GRM5: variants seen among roughly 807,000 people sequenced by gnomAD.
The protein encoded by GRM5 is metabotropic glutamate receptor 5.
In GRM5, 19 loss-of-function variants were observed where a neutral mutation model predicts 83.1. The observed-to-expected ratio is 0.23, with a 90% CI of 0.16 to 0.34. The LOEUF is 0.34. GRM5 is among the 10% of genes least tolerant of loss of function. The probability of loss-of-function intolerance (pLI) is 1.00; values close to 1 mark genes in which losing one functional copy is unlikely to be tolerated. For synonymous variants in GRM5, 675 were observed against 633.6 expected (o/e 1.07, Z -0.98); for missense variants, 1,160 against 1,588.3 (o/e 0.73, Z 4.58).
At chr11:88,550,360 C>A (rs1410061695) in intron 8 of GRM5, among the ~76,000 whole-genome samples, 1 of 152,062 alleles carries the variant, frequency 6.6e-6, no homozygotes, top group African/African-American at 2.4e-5. Flanking sequence ...TCCACAACAA[C>A]TTTAGAAGTA....
At chr11:88,596,436 T>C (rs1937808025) in intron 6 of GRM5, among the ~76,000 whole-genome samples, 1 of 152,166 alleles carries the variant, frequency 6.6e-6, no homozygotes, top group Non-Finnish European at 1.5e-5. Flanking sequence ...TTAAGTTCAA[T>C]GTATTTAGTA....
chr11:88,822,607 A>C (rs778491378), intron 3 of GRM5, among the ~76,000 whole-genome samples: 11 of 152,178 alleles, frequency 7.2e-5, no homozygotes, highest in Non-Finnish European at 1.2e-4. Flanking sequence ...TCAGCTGATA[A>C]AAGATGTGAA....
intron 3 of GRM5, among the ~76,000 whole-genome samples, chr11:88,802,652 C>G (rs1397769197): frequency 6.6e-6 from 1 of 151,972 alleles, no homozygotes; most frequent in African/African-American, 2.4e-5. Context: ...TCTCACCACT[C>G]CTATTCAACA....
intron 2 of GRM5, among the ~76,000 whole-genome samples, chr11:88,907,916 C>T (rs1945431922): frequency 6.6e-6 from 1 of 152,062 alleles, no homozygotes; most frequent in Non-Finnish European, 1.5e-5. Context: ...ACAATTTTTT[C>T]TGTCTGTTGT....
chr11:88,877,992 A>T lies in GRM5; in HGVS notation c.662-27837T>A, dbSNP rs1944888599. On this transcript the variant is annotated intron_variant, in intron 2 of 9. Coordinates refer to ENST00000305447, the MANE Select transcript of GRM5 (RefSeq NM_001143831.3). Reference sequence around the variant, plus strand: ...GCACATTGTGCTCATGTACCCTAAAACTTAAAGTATAATAATAAAAAAAGA... The same window carrying T: ...GCACATTGTGCTCATGTACCCTAAATCTTAAAGTATAATAATAAAAAAAGA... Among the ~76,000 whole-genome samples, 4 of 152,148 alleles carry T rather than the reference A, an allele frequency of 2.6e-5. No individual in the cohort carries two copies. The South Asian group carries it at 8.3e-4, about 31-fold the overall frequency.
intron 2 of GRM5, among the ~76,000 whole-genome samples, chr11:89,008,787 C>T (rs1265436949): frequency 6.6e-6 from 1 of 152,046 alleles, no homozygotes; most frequent in Non-Finnish European, 1.5e-5. Context: ...CGATTACCAT[C>T]CATAAGTAAT....
intron 2 of GRM5, among the ~76,000 whole-genome samples, chr11:89,014,331 A>C (rs1381870941): frequency 1.3e-5 from 2 of 152,238 alleles, no homozygotes; most frequent in African/African-American, 4.8e-5. Context: ...TACAGAAAAC[A>C]GAATTTGTGT....
intron 2 of GRM5, among the ~76,000 whole-genome samples, chr11:88,957,776 T>C (rs2135688588): frequency 6.6e-6 from 1 of 152,268 alleles, no homozygotes; most frequent in Middle Eastern, 3.4e-3. Flanking sequence ...AGAGACAATA[T>C]TTTTTATTTT....
intron 2 of GRM5, among the ~76,000 whole-genome samples, chr11:88,894,632 G>A (rs529197751): frequency 1.8e-4 from 27 of 151,030 alleles, no homozygotes; most frequent in Admixed American, 6.6e-4. Context: ...CTTAATGGCA[G>A]AATCGGTTTT....
chr11:88,905,518 T>A (rs1945388966), intron 2 of GRM5, among the ~76,000 whole-genome samples: 1 of 152,088 alleles, frequency 6.6e-6, no homozygotes, highest in South Asian at 2.1e-4. Flanking sequence ...ATTTTTGTAT[T>A]TTTAGTAGAG....
intron 2 of GRM5, among the ~76,000 whole-genome samples, chr11:88,872,918 C>T (rs1944793843): frequency 7.2e-6 from 1 of 139,452 alleles, no homozygotes; most frequent in South Asian, 2.4e-4. Flanking sequence ...AACAGAAAGG[C>T]TGAATGAATT....
At chr11:88,778,083 G>A (rs1230521217) in intron 3 of GRM5, among the ~76,000 whole-genome samples, 1 of 152,170 alleles carries the variant, frequency 6.6e-6, no homozygotes, top group East Asian at 1.9e-4. Flanking sequence ...GAGGCAGTAG[G>A]CCTTGTTGAC....
At chr11:88,805,400 C>T (rs533799740) in intron 3 of GRM5, among the ~76,000 whole-genome samples, 1 of 152,196 alleles carries the variant, frequency 6.6e-6, no homozygotes, top group East Asian at 1.9e-4. Context: ...CCATGTTGGC[C>T]AGGATGGTCT....
intron 2 of GRM5, among the ~76,000 whole-genome samples, chr11:88,983,326 T>C (rs1939587951): frequency 6.6e-6 from 1 of 152,220 alleles, no homozygotes; most frequent in Non-Finnish European, 1.5e-5. Context: ...TTTATCTTAA[T>C]TGGCACCTAA....
At chr11:89,041,170 C>T (rs1454319761) in intron 2 of GRM5, among the ~76,000 whole-genome samples, 1 of 152,180 alleles carries the variant, frequency 6.6e-6, no homozygotes, top group Non-Finnish European at 1.5e-5. Context: ...ATACTGAATA[C>T]CTGATAGGCT....
chr11:88,662,193 G>A (rs2135319081), intron 3 of GRM5, among the ~76,000 whole-genome samples: 1 of 152,212 alleles, frequency 6.6e-6, no homozygotes, highest in African/African-American at 2.4e-5. Context: ...TGAGGAAACT[G>A]GAGGATTAAC....
chr11:88,973,182 T>C (rs1219738203), intron 2 of GRM5, among the ~76,000 whole-genome samples: 1 of 152,146 alleles, frequency 6.6e-6, no homozygotes, highest in African/African-American at 2.4e-5. Flanking sequence ...ATTGCATCAA[T>C]ACTTATTTCC....
intron 3 of GRM5, among the ~76,000 whole-genome samples, chr11:88,834,750 A>G (rs982681638): frequency 3.3e-5 from 5 of 152,246 alleles, no homozygotes; most frequent in African/African-American, 1.2e-4. Context: ...CAAAGGCCAG[A>G]AATTCACCAT....
chr11:89,044,306 A>G (rs1489591606), intron 2 of GRM5, among the ~76,000 whole-genome samples: 1 of 152,164 alleles, frequency 6.6e-6, no homozygotes, highest in African/African-American at 2.4e-5. Context: ...GTTTTATACT[A>G]TAAATCTCTT....
Sources: allele counts gnomAD v4.1 joint callset (sites outside exome capture counted in the v4.1 genomes callset), GRCh38; gene constraint gnomAD v4.1.1; transcripts MANE v1.5; gene names NCBI Gene and HGNC (gene_info 2026-07-23, HGNC 2026-07-21).